C1QTNF9: variants seen among roughly 807,000 people sequenced by gnomAD.
C1QTNF9 encodes the protein complement C1q and tumor necrosis factor-related protein 9A.
Under a neutral mutation model 10.1 loss-of-function variants are expected in C1QTNF9, and 6 were observed. The observed-to-expected ratio is 0.59, with a 90% CI of 0.32 to 1.17. The LOEUF (loss-of-function observed/expected upper bound fraction) is 1.17, where lower values mean the gene tolerates loss of function less well. Ranked by LOEUF, C1QTNF9 falls within the 50% of genes most tolerant of loss-of-function variation. The pLI is 0.04. For missense variants in C1QTNF9, 201 were observed against 418.8 expected, an observed-to-expected ratio of 0.48 and a Z score of 4.54; for synonymous variants, 98 against 163.5, an observed-to-expected ratio of 0.60 and a Z score of 3.06.
chr13:24,320,934 CA>C (rs1878228450), intron 3 of C1QTNF9, 61 bp from the exon 4 acceptor site: 1 of 1,549,860 alleles, frequency 6.5e-7, no homozygotes, highest in African/African-American at 1.4e-5. Context: ...ATAGAAAAAC[CA>C]AAGTTGTTCA....
chr13:24,312,809 C>G (rs538243173), intron 1 of C1QTNF9, among the ~76,000 whole-genome samples: 45 of 151,994 alleles, frequency 3.0e-4, no homozygotes, highest in South Asian at 1.5e-3. Context: ...CAAAAAATTA[C>G]CCGGGCATGG....
chr13:24,312,099 A>G (rs1877847831), intron 1 of C1QTNF9, among the ~76,000 whole-genome samples: 1 of 152,232 alleles, frequency 6.6e-6, no homozygotes, highest in South Asian at 2.1e-4. Flanking sequence ...GGAGATTACT[A>G]GCAACTCCAC....
At chr13:24,319,716 G>A (rs1407798171) in intron 3 of C1QTNF9, among the ~76,000 whole-genome samples, 4 of 152,216 alleles carry the variant, frequency 2.6e-5, no homozygotes, top group African/African-American at 7.2e-5. Context: ...TTGACTTGGT[G>A]CATCTGGCAG....
chr13:24,312,554 A>G (rs1877869213), intron 1 of C1QTNF9, among the ~76,000 whole-genome samples: 1 of 152,210 alleles, frequency 6.6e-6, no homozygotes, highest in East Asian at 1.9e-4. Context: ...ATTTTTCAAA[A>G]TAACATTAAT....
intron 1 of C1QTNF9, among the ~76,000 whole-genome samples, chr13:24,310,692 T>G (rs1877780989): frequency 6.6e-6 from 1 of 151,022 alleles, no homozygotes. Context: ...GGCGGGTGGA[T>G]CATGAGGTCA....
At chr13:24,311,565 A>G (rs1333131116) in intron 1 of C1QTNF9, among the ~76,000 whole-genome samples, 2 of 152,192 alleles carry the variant, frequency 1.3e-5, no homozygotes, top group Admixed American at 6.5e-5. Flanking sequence ...GGAGGGTTGT[A>G]TGCCCAGTGA....
chr13:24,312,360 T>C (rs866137303), intron 1 of C1QTNF9, among the ~76,000 whole-genome samples: 8 of 105,780 alleles, frequency 7.6e-5, no homozygotes, highest in South Asian at 2.7e-4. Context: ...AGGACAGTAA[T>C]TCAGATGAGA....
chr13:24,312,084 G>T (rs1877847064), intron 1 of C1QTNF9, among the ~76,000 whole-genome samples: 1 of 152,194 alleles, frequency 6.6e-6, no homozygotes, highest in Admixed American at 6.5e-5. Context: ...GTGAGAAGGG[G>T]TGTTGGAGAT....
At chr13:24,313,920 C>T (rs549266258) in intron 1 of C1QTNF9, among the ~76,000 whole-genome samples, 38 of 152,206 alleles carry the variant, frequency 2.5e-4, no homozygotes, top group Non-Finnish European at 5.9e-5. Flanking sequence ...ATATCATTTA[C>T]ATATTTCTAC....
At chr13:24,318,945 G>A in intron 3 of C1QTNF9, 65 bp downstream of exon 3, 1 of 1,587,774 alleles carries the variant, frequency 6.3e-7, no homozygotes, top group South Asian at 1.1e-5. Flanking sequence ...TATTACCATG[G>A]ACAAGTCCTC....
At chr13:24,314,562 G>C (rs1282531064) in intron 1 of C1QTNF9, among the ~76,000 whole-genome samples, 2 of 152,100 alleles carry the variant, frequency 1.3e-5, no homozygotes, top group African/African-American at 4.8e-5. Context: ...GGCGCCTGTA[G>C]TCCCAGCTAC....
intron 1 of C1QTNF9, among the ~76,000 whole-genome samples, chr13:24,312,954 CAAA>C (rs34668112): frequency 8.6e-6 from 1 of 115,874 alleles, no homozygotes; most frequent in African/African-American, 3.6e-5. Flanking sequence ...GACTCTATCT[CAAA>C]AAAAAAAAAA....
At chr13:24,321,842 C>T in exon 4 of C1QTNF9, 1 of 1,448,914 alleles carries the variant, frequency 6.9e-7, no homozygotes. Flanking sequence ...GATGGTTTTA[C>T]TTTATTAATT....
intron 1 of C1QTNF9, among the ~76,000 whole-genome samples, chr13:24,313,162 A>G (rs554703158): frequency 1.1e-4 from 17 of 152,194 alleles, no homozygotes; most frequent in Non-Finnish European, 2.1e-4. Context: ...TTACTTTGCT[A>G]CGTATTTGGG....
At chr13:24,321,423 G>A in exon 4 of C1QTNF9, 1 of 1,611,804 alleles carries the variant, frequency 6.2e-7, no homozygotes, top group Non-Finnish European at 8.5e-7. Context: ...CTTCAGATAT[G>A]CCCATTAAAT....
chr13:24,308,619 G>A (rs1240324717), upstream of C1QTNF9, among the ~76,000 whole-genome samples: 5 of 152,226 alleles, frequency 3.3e-5, no homozygotes, highest in Non-Finnish European at 5.9e-5. Context: ...GGCGAGCCCC[G>A]CACCCACCCG....
chr13:24,320,804 G>T (rs1444512736), intron 3 of C1QTNF9, among the ~76,000 whole-genome samples, 192 bp from the exon 4 acceptor site: 3 of 151,640 alleles, frequency 2.0e-5, no homozygotes, highest in Non-Finnish European at 2.9e-5. Flanking sequence ...TCCTGCCGCG[G>T]TCTCCCAAGG....
At chr13:24,310,869 G>A (rs1293407221) in intron 1 of C1QTNF9, among the ~76,000 whole-genome samples, 5 of 140,960 alleles carry the variant, frequency 3.5e-5, no homozygotes, top group East Asian at 2.1e-4. Flanking sequence ...CCGAGATCGC[G>A]CCACTGCACT....
chr13:24,309,283 T>TTATA (rs72150411), upstream of C1QTNF9, among the ~76,000 whole-genome samples: 577 of 68,282 alleles, frequency 8.5e-3, 105 homozygotes, highest in African/African-American at 0.025. Flanking sequence ...ACTTAAAGTA[T>TTATA]TATATATATA....
Sources: gnomAD v4.1 joint callset for allele counts (sites outside exome capture counted in the v4.1 genomes callset) on GRCh38, gnomAD v4.1.1 for gene constraint, MANE v1.5 for transcripts, NCBI Gene and HGNC (gene_info 2026-07-23, HGNC 2026-07-21) for gene names.